Variants in IMMP2L observed in about 807,000 individuals in gnomAD.
IMMP2L encodes the protein mitochondrial inner membrane protease subunit 2.
In IMMP2L, 18 loss-of-function variants were observed where a neutral mutation model predicts 19.3. That is an observed-to-expected ratio of 0.93 (90% CI 0.64 to 1.38). IMMP2L has a LOEUF of 1.38. Among genes scored for constraint, IMMP2L ranks in the 40% most tolerant of loss-of-function variants. The pLI is 0.00. For synonymous variants in IMMP2L, 76 were observed against 73.0 expected, an observed-to-expected ratio of 1.04 and a Z score of -0.21; for missense variants, 233 against 218.2, an observed-to-expected ratio of 1.07 and a Z score of -0.43.
rs1445109313 is a variant in IMMP2L, at chr7:110,757,694, T to C, written c.409-93973A>G. On this transcript the variant is annotated intron_variant, in intron 5 of 5. Transcript: ENST00000405709. This position sits in a 1 kb window ranked among gnomAD's most constrained non-coding sequence, Gnocchi z 4.2. ...CAGCTCTGCTTTATCAGGCCTGGGA[T>C]ATGCATATCCTTCCTAGACTCCCTC... Among the ~76,000 whole-genome samples the C allele has an allele frequency of 1.3e-5, 2 of 152,134 alleles. No homozygotes were observed. The highest frequency in any genetic ancestry group is 2.9e-5 in the Non-Finnish European group (2 of 68,002).
chr7:111,492,175 G>T (rs1438601353), intron 2 of IMMP2L, among the ~76,000 whole-genome samples: 1 of 150,570 alleles, frequency 6.6e-6, no homozygotes, highest in African/African-American at 2.4e-5. Context: ...CTATATTTTT[G>T]AGATCGAGCA....
At chr7:111,477,800 A>T (rs1469197954) in intron 3 of IMMP2L, among the ~76,000 whole-genome samples, 1 of 152,098 alleles carries the variant, frequency 6.6e-6, no homozygotes, top group Non-Finnish European at 1.5e-5. Context: ...CAGGAGGCTG[A>T]GGCAGGAGAA....
At chr7:111,405,482 A>G (rs1349524690) in intron 3 of IMMP2L, among the ~76,000 whole-genome samples, 1 of 152,194 alleles carries the variant, frequency 6.6e-6, no homozygotes, top group Non-Finnish European at 1.5e-5. Context: ...ATATTGTAAT[A>G]CACATAAATT....
At chr7:111,307,856 T>C (rs758006861) in intron 3 of IMMP2L, among the ~76,000 whole-genome samples, 1 of 151,850 alleles carries the variant, frequency 6.6e-6, no homozygotes, top group Non-Finnish European at 1.5e-5. Flanking sequence ...GTAAATCCAG[T>C]AATAATAAAA....
chr7:110,815,004 G>A (rs929742141), intron 5 of IMMP2L, among the ~76,000 whole-genome samples: 21 of 151,888 alleles, frequency 1.4e-4, no homozygotes, highest in African/African-American at 4.6e-4. Context: ...GAACTACAAC[G>A]TCTTAACTGT....
intron 3 of IMMP2L, among the ~76,000 whole-genome samples, chr7:111,316,056 G>A (rs1824036647): frequency 6.6e-6 from 1 of 152,078 alleles, no homozygotes. Context: ...GCATGTAACT[G>A]CACTGAATTC....
intron 3 of IMMP2L, among the ~76,000 whole-genome samples, chr7:110,975,330 A>G (rs1448687601): frequency 6.6e-6 from 1 of 152,076 alleles, no homozygotes; most frequent in Non-Finnish European, 1.5e-5. Flanking sequence ...GTTCCCAAAA[A>G]TCCAATCTAG....
At chr7:111,032,903 C>T (rs980665148) in intron 3 of IMMP2L, among the ~76,000 whole-genome samples, 3 of 151,950 alleles carry the variant, frequency 2.0e-5, no homozygotes, top group Middle Eastern at 3.2e-3. Context: ...GCAGATCACC[C>T]GAGGTCCGGA....
rs1821961765 is a variant in IMMP2L at position 110,987,294 on chromosome 7, G to T, written c.240-23729C>A. ...TGTTATTTTTAAACTCTTGACAGGG[G>T]AAAGGGTAATCAGAGTTGACAGCTA... is the stretch of plus-strand genomic sequence containing the variant. On this transcript the variant is annotated intron_variant, in intron 3 of 5. Coordinates refer to ENST00000405709, the MANE Select transcript of IMMP2L (RefSeq NM_032549.4). Among the ~76,000 whole-genome samples the T allele has an allele frequency of 2.0e-5, 3 of 152,158 alleles. No individual in the cohort carries two copies. The South Asian group carries it at 6.2e-4, about 31-fold the overall frequency.
At chr7:110,693,255 C>G (rs1183163801) in intron 5 of IMMP2L, among the ~76,000 whole-genome samples, 1 of 152,180 alleles carries the variant, frequency 6.6e-6, no homozygotes, top group Non-Finnish European at 1.5e-5. Context: ...TCTCCCAGCT[C>G]TAAGAGAACA....
chr7:111,507,175 T>G (rs1267430970), intron 2 of IMMP2L, among the ~76,000 whole-genome samples: 1 of 152,184 alleles, frequency 6.6e-6, no homozygotes, highest in Non-Finnish European at 1.5e-5. Context: ...CAGTCCTGAT[T>G]TGATCTCTAC....
chr7:110,908,410 C>T (rs1812705884), intron 4 of IMMP2L, among the ~76,000 whole-genome samples: 1 of 152,116 alleles, frequency 6.6e-6, no homozygotes. Context: ...ACTGAGAAAA[C>T]TCTGTATAAC....
chr7:111,155,012 G>A (rs1804488383), intron 3 of IMMP2L, among the ~76,000 whole-genome samples: 1 of 151,982 alleles, frequency 6.6e-6, no homozygotes, highest in African/African-American at 2.4e-5. Context: ...CTACACCTTG[G>A]CTTCCCAAAG....
rs539848556 is a variant in IMMP2L at position 111,469,803 on chromosome 7, C to T, written c.239+17435G>A. 2.6e-5 allele frequency among the ~76,000 whole-genome samples: 4 copies of T among 152,212 alleles called. No individual in the cohort carries two copies. In the East Asian group the frequency reaches 7.7e-4, roughly 29 times the overall value. On this transcript the variant is annotated intron_variant, in intron 3 of 5. Transcript: ENST00000405709. ...AAAACCTAGGCAATACCATTCAGGACATAGGCATGGGCAAGGACTTCATGT... is the reference window on the plus strand; with the variant it reads ...AAAACCTAGGCAATACCATTCAGGATATAGGCATGGGCAAGGACTTCATGT...
intron 3 of IMMP2L, among the ~76,000 whole-genome samples, chr7:111,392,614 T>C (rs183050137): frequency 6.6e-6 from 1 of 152,260 alleles, no homozygotes; most frequent in Admixed American, 6.5e-5. Context: ...ATTCAATTAA[T>C]TCTGATAATA....
At chr7:111,547,897 T>C (rs1371343227) in intron 1 of IMMP2L, among the ~76,000 whole-genome samples, 2 of 151,948 alleles carry the variant, frequency 1.3e-5, no homozygotes. Flanking sequence ...ATTTTTTGTA[T>C]TTTTGGGAGA....
At chr7:111,147,650 G>A (rs893630443) in intron 3 of IMMP2L, among the ~76,000 whole-genome samples, 28 of 152,126 alleles carry the variant, frequency 1.8e-4, no homozygotes, top group Admixed American at 1.8e-3. Flanking sequence ...TTCACTCTGG[G>A]CCTGAAAGCA....
intron 3 of IMMP2L, among the ~76,000 whole-genome samples, chr7:111,136,486 T>A (rs373030546): frequency 3.3e-5 from 5 of 152,194 alleles, no homozygotes; most frequent in African/African-American, 1.2e-4. Context: ...AAGTTATTGA[T>A]TATGCTAGCC....
intron 5 of IMMP2L, among the ~76,000 whole-genome samples, chr7:110,789,855 C>A (rs1212193592): frequency 1.3e-5 from 2 of 151,494 alleles, no homozygotes; most frequent in African/African-American, 4.9e-5. Context: ...ATGTACTTAC[C>A]CCAAATATTT....
Sources: gnomAD v4.1 joint callset for allele counts (sites outside exome capture counted in the v4.1 genomes callset) on GRCh38, gnomAD v4.1.1 for gene constraint, Gnocchi (gnomAD v3.1) non-coding constraint, MANE v1.5 for transcripts, NCBI Gene and HGNC (gene_info 2026-07-23, HGNC 2026-07-21) for gene names.